Variants in SNTG2 observed in about 807,000 individuals in gnomAD.
SNTG2 encodes gamma-2-syntrophin.
A neutral mutation model predicts 70.9 loss-of-function variants in SNTG2; 74 were observed. That is an observed-to-expected ratio of 1.04 (90% CI 0.86 to 1.27). SNTG2 has a LOEUF of 1.27. Ranked by LOEUF, SNTG2 falls within the 50% of genes most tolerant of loss-of-function variation. The pLI, the probability that SNTG2 is intolerant of heterozygous loss-of-function variation, is 0.00. For synonymous variants in SNTG2, 278 were observed against 273.8 expected (o/e 1.02, Z -0.15); for missense variants, 717 against 690.7 (o/e 1.04, Z -0.43).
chr2:1,134,410 G>A (rs1668227649), intron 4 of SNTG2, among the ~76,000 whole-genome samples: 1 of 151,624 alleles, frequency 6.6e-6, no homozygotes, highest in Admixed American at 6.6e-5. Context: ...TAGACACAAA[G>A]GTTCTCCACT....
chr2:1,299,320 A>G (rs530997626), intron 14 of SNTG2, among the ~76,000 whole-genome samples: 18 of 152,198 alleles, frequency 1.2e-4, no homozygotes, highest in African/African-American at 2.9e-4. Context: ...TTATCCTCTC[A>G]TTTCTGGAGG....
At chr2:1,040,254 G>A (rs1661360790) in intron 1 of SNTG2, among the ~76,000 whole-genome samples, 1 of 152,212 alleles carries the variant, frequency 6.6e-6, no homozygotes, top group African/African-American at 2.4e-5. Context: ...GTCCCTGTGG[G>A]CGGAACCCAG....
intron 1 of SNTG2, among the ~76,000 whole-genome samples, chr2:984,406 A>G (rs907040794): frequency 6.6e-6 from 1 of 152,066 alleles, no homozygotes; most frequent in Non-Finnish European, 1.5e-5. Flanking sequence ...ATCTTCCAGC[A>G]TGAGGCTTTT....
chr2:1,235,533 CTGAGGT>C (rs1676581926), intron 9 of SNTG2, among the ~76,000 whole-genome samples: 5 of 73,916 alleles, frequency 6.8e-5, no homozygotes, highest in African/African-American at 2.7e-4. Flanking sequence ...CCACGCTGCC[CTGAGGT>C]CCCTGCAGGC....
intron 9 of SNTG2, among the ~76,000 whole-genome samples, chr2:1,218,572 G>A (rs1674550434): frequency 6.6e-6 from 1 of 152,236 alleles, no homozygotes; most frequent in South Asian, 2.1e-4. Flanking sequence ...GTGTGTTTCA[G>A]AAAATAGAGA....
chr2:1,091,030 G>A (rs949330191), intron 2 of SNTG2, among the ~76,000 whole-genome samples: 5 of 152,124 alleles, frequency 3.3e-5, no homozygotes, highest in African/African-American at 9.7e-5. Flanking sequence ...CCTGATGGTC[G>A]CCTGACGTTC....
In SNTG2 at chr2:1,102,178, T is replaced by C. The variant is rs116790858; in HGVS notation, c.325+3768T>C. Among the ~76,000 whole-genome samples, 932 of 152,304 alleles carry C rather than the reference T, an allele frequency of 6.1e-3. 8 individuals are homozygous for C. Among genetic ancestry groups the C allele is most frequent in the African/African-American group, 0.021 (868 of 41,568 alleles). On this transcript the variant is annotated intron_variant, in intron 4 of 16. Coordinates refer to ENST00000308624, the MANE Select transcript of SNTG2 (RefSeq NM_018968.4). Reference sequence around the variant, plus strand: ...TCCTGTGGAGTGAGCGAAACCGTGGTACAGAGGAGACGGGGAGAGGGCGCT... The same window carrying C: ...TCCTGTGGAGTGAGCGAAACCGTGGCACAGAGGAGACGGGGAGAGGGCGCT...
intron 1 of SNTG2, among the ~76,000 whole-genome samples, chr2:956,438 C>G (rs988716857): frequency 7.9e-5 from 12 of 152,234 alleles, no homozygotes; most frequent in Non-Finnish European, 1.5e-4. Context: ...GGCCTTCACA[C>G]ACCTTGGTTG....
chr2:971,600 C>A (rs539243202), intron 1 of SNTG2, among the ~76,000 whole-genome samples: 53 of 151,680 alleles, frequency 3.5e-4, no homozygotes, highest in African/African-American at 1.3e-3. Flanking sequence ...TTTTAAAGAG[C>A]AAATTTGTGG....
At chr2:1,054,488 C>G (rs898692942) in intron 1 of SNTG2, among the ~76,000 whole-genome samples, 1 of 152,166 alleles carries the variant, frequency 6.6e-6, no homozygotes, top group Non-Finnish European at 1.5e-5. Context: ...AAGGAAATCC[C>G]AAGCTCCTAC....
rs181176220 is a variant in SNTG2, at chr2:988,970, T to C, written c.72+37902T>C. 8.0e-3 allele frequency among the ~76,000 whole-genome samples: 1,218 copies of C among 152,338 alleles called. 7 individuals carry two copies. The highest frequency in any genetic ancestry group is 0.012 in the Non-Finnish European group (792 of 68,028). On this transcript the variant is annotated intron_variant, in intron 1 of 16. Transcript: ENST00000308624. ...TCTTGCACATATTTTGTTAAGTTTA[T>C]GACTAAATGTTCATATACTTTATTT...
intron 9 of SNTG2, chr2:1,210,825 A>C (rs1467787291): frequency 6.6e-6 from 1 of 152,220 alleles, no homozygotes; most frequent in Non-Finnish European, 1.5e-5. Context: ...CAGTTGTGTA[A>C]GTATTCAGCA....
intron 1 of SNTG2, among the ~76,000 whole-genome samples, chr2:1,055,869 C>CT (rs1348209964): frequency 2.0e-5 from 3 of 152,132 alleles, no homozygotes; most frequent in African/African-American, 7.2e-5. Flanking sequence ...GAGCAGGTGT[C>CT]TTTAGGAGTG....
At chr2:1,179,424 A>C (rs1671710314) in intron 8 of SNTG2, among the ~76,000 whole-genome samples, 1 of 152,206 alleles carries the variant, frequency 6.6e-6, no homozygotes, top group Non-Finnish European at 1.5e-5. Context: ...CACCAATAAC[A>C]GACAAACAGG....
chr2:1,091,517 G>GC (rs1179774868), intron 2 of SNTG2, among the ~76,000 whole-genome samples: 2 of 152,208 alleles, frequency 1.3e-5, no homozygotes, highest in African/African-American at 4.8e-5. Flanking sequence ...GCGGCCGGGG[G>GC]CCTGGTTCCT....
At chr2:952,108 C>G (rs373271846) in intron 1 of SNTG2, among the ~76,000 whole-genome samples, 1 of 152,168 alleles carries the variant, frequency 6.6e-6, no homozygotes, top group African/African-American at 2.4e-5. Context: ...GCTTTTACTA[C>G]AAAATATGAA....
At chr2:1,328,904 C>T (rs940509532) in intron 16 of SNTG2, among the ~76,000 whole-genome samples, 1 of 107,320 alleles carries the variant, frequency 9.3e-6, no homozygotes, top group African/African-American at 3.5e-5. Flanking sequence ...TGCATGCACA[C>T]ACACATGCAC....
intron 14 of SNTG2, among the ~76,000 whole-genome samples, chr2:1,285,085 G>C (rs1679713798): frequency 6.6e-6 from 1 of 152,056 alleles, no homozygotes; most frequent in Admixed American, 6.5e-5. Context: ...AAGCTGAAGA[G>C]CATGAAGTCC....
chr2:1,312,013 T>C (rs1473804170), intron 15 of SNTG2, among the ~76,000 whole-genome samples: 1 of 152,072 alleles, frequency 6.6e-6, no homozygotes, highest in Non-Finnish European at 1.5e-5. Context: ...GATTTCTTGA[T>C]TGCCCACTTC....
Sources: allele counts gnomAD v4.1 joint callset (sites outside exome capture counted in the v4.1 genomes callset), GRCh38; gene constraint gnomAD v4.1.1; transcripts MANE v1.5; gene names NCBI Gene and HGNC (gene_info 2026-07-23, HGNC 2026-07-21).